LSAMP: variants seen among roughly 807,000 people sequenced by gnomAD.
LSAMP encodes limbic system associated membrane protein.
LSAMP carries 7 observed loss-of-function variants against 38.6 expected under a neutral mutation model. That is an observed-to-expected ratio of 0.18 (90% confidence interval 0.10 to 0.34). LSAMP has a LOEUF of 0.34. Ranked by LOEUF, LSAMP falls within the 10% of genes least tolerant of loss-of-function variation. The pLI is 1.00. For synonymous variants in LSAMP, 154 were observed against 166.8 expected (o/e 0.92, Z 0.59); for missense variants, 313 against 420.0 (o/e 0.75, Z 2.23).
chr3:116,335,586 G>A (rs893612259), intron 1 of LSAMP, among the ~76,000 whole-genome samples: 15 of 151,950 alleles, frequency 9.9e-5, no homozygotes, highest in African/African-American at 3.6e-4. Context: ...TTTAACTTAT[G>A]GTGGGCACCT....
chr3:116,343,790 G>A (rs2048028658), intron 1 of LSAMP, among the ~76,000 whole-genome samples: 2 of 152,046 alleles, frequency 1.3e-5, no homozygotes, highest in African/African-American at 4.8e-5. Flanking sequence ...ACCCTGAACT[G>A]CATAGACACA....
chr3:115,982,362 C>G (rs1228316984), intron 3 of LSAMP, among the ~76,000 whole-genome samples: 1 of 152,188 alleles, frequency 6.6e-6, no homozygotes, highest in Non-Finnish European at 1.5e-5. Flanking sequence ...AGTTTAGTAA[C>G]AGCTTCCAAA....
intron 6 of LSAMP, among the ~76,000 whole-genome samples, chr3:115,813,673 G>A (rs1487860108): frequency 6.6e-6 from 1 of 152,142 alleles, no homozygotes; most frequent in African/African-American, 2.4e-5. Context: ...GGGTAAATGG[G>A]TGGTAGTTGG....
At chr3:116,338,590 C>A (rs2047951968) in intron 1 of LSAMP, among the ~76,000 whole-genome samples, 1 of 151,966 alleles carries the variant, frequency 6.6e-6, no homozygotes, top group African/African-American at 2.4e-5. Context: ...AAAATCCTTA[C>A]TCATTTATTT....
chr3:116,425,333 T>C (rs1476824214), intron 1 of LSAMP, among the ~76,000 whole-genome samples: 2 of 152,160 alleles, frequency 1.3e-5, no homozygotes, highest in East Asian at 3.9e-4. Flanking sequence ...GAATGAGTCA[T>C]TGCAACAAAT....
intron 1 of LSAMP, among the ~76,000 whole-genome samples, chr3:116,431,241 T>A (rs1310467493): frequency 6.6e-6 from 1 of 152,056 alleles, no homozygotes; most frequent in African/African-American, 2.4e-5. Context: ...TTTTGACCCA[T>A]AATATATTAA....
chr3:115,860,836 T>C (rs1300931686), intron 3 of LSAMP, among the ~76,000 whole-genome samples: 1 of 152,046 alleles, frequency 6.6e-6, no homozygotes. Context: ...GCTGGCAAAT[T>C]GCAAAAGGGT....
chr3:115,997,025 A>G lies in LSAMP; in HGVS notation c.514+22490T>C, dbSNP rs923823236. Among the ~76,000 whole-genome samples, 7 of 152,282 alleles carry G rather than the reference A, an allele frequency of 4.6e-5. No individual in the cohort carries two copies. The East Asian group carries it at 9.7e-4, about 21-fold the overall frequency. On this transcript the variant is annotated intron_variant, in intron 3 of 6. Coordinates refer to ENST00000490035, the MANE Select transcript of LSAMP (RefSeq NM_002338.5). ...CCATGTGACTCACTCTCTGTTAGCC[A>G]TAAGAGTTACTTAGTTGTTATAGAG... is the stretch of plus-strand genomic sequence containing the variant.
chr3:116,385,621 T>C (rs2048616308), intron 1 of LSAMP, among the ~76,000 whole-genome samples: 1 of 152,106 alleles, frequency 6.6e-6, no homozygotes, highest in Admixed American at 6.5e-5. Context: ...TCTCAGTCTA[T>C]TATTATTAAG....
intron 1 of LSAMP, among the ~76,000 whole-genome samples, chr3:116,386,720 G>T (rs1200462227): frequency 6.6e-6 from 1 of 152,136 alleles, no homozygotes; most frequent in African/African-American, 2.4e-5. Context: ...TGACCCTCCT[G>T]CCTTGGCTTC....
intron 1 of LSAMP, among the ~76,000 whole-genome samples, chr3:116,442,203 G>T (rs1437859814): frequency 6.6e-6 from 1 of 152,146 alleles, no homozygotes; most frequent in Non-Finnish European, 1.5e-5. Context: ...AAAACTTTAA[G>T]TCAGTGAAGG....
At chr3:116,196,908 T>C (rs1710895219) in intron 1 of LSAMP, among the ~76,000 whole-genome samples, 1 of 152,170 alleles carries the variant, frequency 6.6e-6, no homozygotes, top group South Asian at 2.1e-4. Flanking sequence ...GAACAACTCC[T>C]GAGAGCATCC....
chr3:116,056,431 A>T (rs1941491552), intron 2 of LSAMP, among the ~76,000 whole-genome samples: 1 of 152,182 alleles, frequency 6.6e-6, no homozygotes, highest in Non-Finnish European at 1.5e-5. Flanking sequence ...ATTTAGGAAT[A>T]GAAACCAAAA....
intron 1 of LSAMP, among the ~76,000 whole-genome samples, chr3:116,362,692 C>T (rs2048306298): frequency 9.5e-6 from 1 of 105,312 alleles, no homozygotes; most frequent in Non-Finnish European, 1.8e-5. Flanking sequence ...AACTAGAACT[C>T]AGGATTAAGA....
intron 1 of LSAMP, among the ~76,000 whole-genome samples, chr3:116,158,819 T>C (rs985635130): frequency 6.6e-6 from 1 of 152,020 alleles, no homozygotes; most frequent in Non-Finnish European, 1.5e-5. Flanking sequence ...AAACTACCAA[T>C]GACACTCTTC....
At chr3:116,069,559 G>GA (rs35703124) in intron 2 of LSAMP, among the ~76,000 whole-genome samples, 26 of 148,082 alleles carry the variant, frequency 1.8e-4, no homozygotes, top group African/African-American at 4.2e-4. Context: ...ACTTTCCTCA[G>GA]AAAAAAAAAA....
At chr3:115,839,961 T>C (rs772216398) in intron 6 of LSAMP, among the ~76,000 whole-genome samples, 6 of 152,204 alleles carry the variant, frequency 3.9e-5, no homozygotes, top group Non-Finnish European at 7.3e-5. Context: ...AGGGCATTGG[T>C]ATTGTAGGGC....
intron 1 of LSAMP, among the ~76,000 whole-genome samples, chr3:116,435,475 T>G (rs2049337399): frequency 6.8e-6 from 1 of 147,764 alleles, no homozygotes; most frequent in South Asian, 2.2e-4. Flanking sequence ...TTTGTCCTTC[T>G]CTTGATAAGA....
chr3:116,184,962 T>C lies in LSAMP; in HGVS notation c.156-98406A>G, dbSNP rs1181553501. Among the ~76,000 whole-genome samples, 3 of 151,872 alleles carry C rather than the reference T, an allele frequency of 2.0e-5. No individual in the cohort carries two copies. The East Asian group carries it at 5.8e-4, about 29-fold the overall frequency. Reference sequence around the variant, plus strand: ...GAATACATATATATTGAATTTCTAATGAAGTCTTCTAAATGTTTCCAGATT... The same window carrying C: ...GAATACATATATATTGAATTTCTAACGAAGTCTTCTAAATGTTTCCAGATT... On this transcript the variant is annotated intron_variant, in intron 1 of 6. Transcript: ENST00000490035.
Sources: allele counts gnomAD v4.1 joint callset (sites outside exome capture counted in the v4.1 genomes callset), GRCh38; gene constraint gnomAD v4.1.1; transcripts MANE v1.5; gene names NCBI Gene and HGNC (gene_info 2026-07-23, HGNC 2026-07-21).